GALNT13: variants seen among roughly 807,000 people sequenced by gnomAD.
GALNT13 encodes UDP-GalNAc:polypeptide N-acetylgalactosaminyltransferase 13.
In GALNT13, 28 loss-of-function variants were observed where a neutral mutation model predicts 64.2. The observed-to-expected ratio is 0.44, with a 90% CI of 0.32 to 0.60. The LOEUF is 0.60. Among genes scored for constraint, GALNT13 ranks in the 20% least tolerant of loss-of-function variants. The pLI, the probability that GALNT13 is intolerant of heterozygous loss-of-function variation, is 0.05. For synonymous variants in GALNT13, 214 were observed against 224.6 expected (o/e 0.95, Z 0.42); for missense variants, 577 against 669.8 (o/e 0.86, Z 1.53).
chr2:153,724,670 G>A, the GALNT13 span, among the ~76,000 whole-genome samples: 10 of 122,868 alleles, frequency 8.1e-5, no homozygotes, highest in Non-Finnish European at 1.6e-4. Flanking sequence ...CTTCTCAAAA[G>A]AAGACATTTA....
At chr2:153,678,281 G>C in the GALNT13 span, among the ~76,000 whole-genome samples, 38,211 of 151,532 alleles carry the variant, frequency 0.25, 5,525 homozygotes, top group Admixed American at 0.37. Context: ...ATCAACATAG[G>C]TGTCCATCAG....
intron 3 of GALNT13, among the ~76,000 whole-genome samples, chr2:154,093,449 C>G (rs994606754): frequency 6.6e-6 from 1 of 151,960 alleles, no homozygotes; most frequent in Non-Finnish European, 1.5e-5. Flanking sequence ...GCACTACACT[C>G]TACCTTCACA....
chr2:154,377,514 A>G (rs1272818716), intron 9 of GALNT13, among the ~76,000 whole-genome samples: 1 of 152,200 alleles, frequency 6.6e-6, no homozygotes, highest in Non-Finnish European at 1.5e-5. Flanking sequence ...AAATATAACA[A>G]TAAAGGAAGA....
At chr2:153,243,592 G>GTGT in the GALNT13 span, among the ~76,000 whole-genome samples, 1 of 152,248 alleles carries the variant, frequency 6.6e-6, no homozygotes, top group African/African-American at 2.4e-5. Context: ...GAAGCAGAAT[G>GTGT]TGTTTTTGCA....
intron 2 of GALNT13, among the ~76,000 whole-genome samples, chr2:153,916,265 C>A (rs996721879): frequency 2.6e-5 from 4 of 151,644 alleles, no homozygotes; most frequent in Non-Finnish European, 4.4e-5. Flanking sequence ...TCAAGCAATT[C>A]CCTTCCTCGG....
At chr2:153,723,164 A>C in the GALNT13 span, among the ~76,000 whole-genome samples, 2 of 134,126 alleles carry the variant, frequency 1.5e-5, no homozygotes, top group African/African-American at 5.9e-5. Flanking sequence ...CAAATCAATA[A>C]ATGTAATCCA....
chr2:154,026,955 T>G (rs1302088175), intron 3 of GALNT13, among the ~76,000 whole-genome samples: 1 of 152,130 alleles, frequency 6.6e-6, no homozygotes, highest in African/African-American at 2.4e-5. Context: ...GCATTTATGT[T>G]GTTCTCAGGA....
the GALNT13 span, among the ~76,000 whole-genome samples, chr2:153,128,525 A>G: frequency 4.6e-5 from 7 of 152,102 alleles, no homozygotes; most frequent in Non-Finnish European, 7.4e-5. Context: ...TTGGGTGGGA[A>G]CACAGAGCCA....
chr2:153,636,597 G>A, the GALNT13 span, among the ~76,000 whole-genome samples: 1 of 152,136 alleles, frequency 6.6e-6, no homozygotes, highest in South Asian at 2.1e-4. Flanking sequence ...TTTAAATTTG[G>A]AGAAATTGAA....
intron 2 of GALNT13, among the ~76,000 whole-genome samples, chr2:153,905,958 C>A (rs953058050): frequency 6.6e-6 from 1 of 151,882 alleles, no homozygotes; most frequent in South Asian, 2.1e-4. Context: ...GGATGCTGGA[C>A]AAAGGAATGA....
At chr2:153,822,160 G>A in the GALNT13 span, among the ~76,000 whole-genome samples, 3 of 152,196 alleles carry the variant, frequency 2.0e-5, no homozygotes, top group South Asian at 4.1e-4. Context: ...GACATACAAC[G>A]AAGAGCTGGT....
chr2:154,178,111 G>T (rs1685755638), intron 4 of GALNT13, among the ~76,000 whole-genome samples: 1 of 152,034 alleles, frequency 6.6e-6, no homozygotes, highest in Admixed American at 6.6e-5. Flanking sequence ...TGTGATTATT[G>T]CTGCAGCTGG....
the GALNT13 span, among the ~76,000 whole-genome samples, chr2:153,493,571 A>G: frequency 6.6e-6 from 1 of 152,010 alleles, no homozygotes; most frequent in Non-Finnish European, 1.5e-5. Context: ...AATAAGACCA[A>G]TCTTACACAG....
chr2:154,155,967 C>G (rs1684393000), intron 4 of GALNT13, among the ~76,000 whole-genome samples: 1 of 151,760 alleles, frequency 6.6e-6, no homozygotes, highest in South Asian at 2.1e-4. Context: ...TTGCATAATA[C>G]ATATATATTC....
At chr2:154,410,935 T>C (rs1175806533) in intron 11 of GALNT13, among the ~76,000 whole-genome samples, 1 of 151,864 alleles carries the variant, frequency 6.6e-6, no homozygotes, top group African/African-American at 2.4e-5. Flanking sequence ...TACCCAGAAA[T>C]AAGCTATCTC....
At chr2:153,378,309 T>TAGAC in the GALNT13 span, among the ~76,000 whole-genome samples, 1 of 136,412 alleles carries the variant, frequency 7.3e-6, no homozygotes, top group African/African-American at 3.0e-5. Context: ...GATAGATAGA[T>TAGAC]AATTTTTTTT....
chr2:153,105,217 C>T, the GALNT13 span, among the ~76,000 whole-genome samples: 2 of 151,690 alleles, frequency 1.3e-5, no homozygotes, highest in Non-Finnish European at 2.9e-5. Context: ...GCTGGTTCAA[C>T]ATATGAAAAT....
At chr2:153,602,051 C>T in the GALNT13 span, among the ~76,000 whole-genome samples, 4 of 151,594 alleles carry the variant, frequency 2.6e-5, no homozygotes, top group Non-Finnish European at 4.4e-5. Flanking sequence ...TCTGTGATAC[C>T]GCATAAATAG....
intron 4 of GALNT13, among the ~76,000 whole-genome samples, chr2:154,146,869 T>C (rs1352862498): frequency 5.3e-5 from 8 of 152,136 alleles, no homozygotes; most frequent in African/African-American, 1.9e-4. Context: ...TTTATCACCC[T>C]TTTTTAAAAC....
Sources: gnomAD v4.1 joint callset for allele counts (sites outside exome capture counted in the v4.1 genomes callset) on GRCh38, gnomAD v4.1.1 for gene constraint, MANE v1.5 for transcripts, NCBI Gene and HGNC (gene_info 2026-07-23, HGNC 2026-07-21) for gene names.